The following ERBB4 variants were observed in gnomAD, a reference collection of about 807,000 sequenced individuals.
The protein encoded by ERBB4 is receptor tyrosine-protein kinase erbB-4.
In ERBB4, 42 loss-of-function variants were observed where a neutral mutation model predicts 158.0. The observed-to-expected ratio is 0.27, with a 90% CI of 0.21 to 0.34. ERBB4 has a LOEUF of 0.34. Among genes scored for constraint, ERBB4 ranks in the 10% least tolerant of loss-of-function variants. The pLI, the probability that ERBB4 is intolerant of heterozygous loss-of-function variation, is 1.00. For synonymous variants in ERBB4, 583 were observed against 558.7 expected, an observed-to-expected ratio of 1.04 and a Z score of -0.61; for missense variants, 1,333 against 1,624.1, an observed-to-expected ratio of 0.82 and a Z score of 3.08.
rs150190330 is a variant in ERBB4, at chr2:211,846,083, T to C, written c.422-57924A>G. Among the ~76,000 whole-genome samples the C allele has an allele frequency of 7.6e-3, 1,156 of 151,370 alleles. 12 individuals are homozygous for C. The highest frequency in any genetic ancestry group is 0.027 in the African/African-American group (1,098 of 41,374). ...TTTTTTCATTTATAGTGAATATCAT[T>C]CATGTTGTCCACTCTAGGAAAAAAA... On this transcript the variant is annotated intron_variant, in intron 3 of 27. Coordinates refer to ENST00000342788, the MANE Select transcript of ERBB4 (RefSeq NM_005235.3).
Position 212,119,527 on chromosome 2 carries a change from A to G in ERBB4, c.234+5225T>C, listed in dbSNP as rs563573788. Among the ~76,000 whole-genome samples, 16 of 152,254 alleles carry G rather than the reference A, an allele frequency of 1.1e-4. 1 individual carries two copies. In the South Asian group the frequency reaches 3.3e-3, roughly 32 times the overall value. On this transcript the variant is annotated intron_variant, in intron 2 of 27. Coordinates refer to ENST00000342788, the MANE Select transcript of ERBB4 (RefSeq NM_005235.3). ...CTTACTACATTTTGCCTTGTTTTAA[A>G]GAGTTCACAAAGTGTAAGACAATAG... is the stretch of plus-strand genomic sequence containing the variant.
intron 1 of ERBB4, among the ~76,000 whole-genome samples, chr2:212,420,535 T>G (rs2091768772): frequency 6.6e-6 from 1 of 152,144 alleles, no homozygotes; most frequent in African/African-American, 2.4e-5. Flanking sequence ...CTGCCCAAGT[T>G]TTCCAAATCA....
At chr2:212,331,075 C>CATATATATATATATATATACACGTATAT (rs1553619158) in intron 1 of ERBB4, among the ~76,000 whole-genome samples, 1 of 21,300 alleles carries the variant, frequency 4.7e-5, no homozygotes, top group Admixed American at 6.4e-4. Context: ...TATATATACA[C>CATATATATATATATATATACACGTATAT]ATATATATAT....
chr2:212,001,659 T>C (rs992762878), intron 2 of ERBB4, among the ~76,000 whole-genome samples: 4 of 152,182 alleles, frequency 2.6e-5, no homozygotes, highest in Non-Finnish European at 5.9e-5. Context: ...AAGTCTTTTG[T>C]TTATTCTGCT....
intron 2 of ERBB4, among the ~76,000 whole-genome samples, chr2:211,996,308 A>T (rs2082198823): frequency 6.6e-6 from 1 of 151,812 alleles, no homozygotes; most frequent in Non-Finnish European, 1.5e-5. Flanking sequence ...AAGTTTAAAC[A>T]TTATCCTTGT....
intron 1 of ERBB4, among the ~76,000 whole-genome samples, chr2:212,247,783 GT>G (rs1308091417): frequency 6.6e-6 from 1 of 152,118 alleles, no homozygotes; most frequent in East Asian, 1.9e-4. Flanking sequence ...GGGCAACATG[GT>G]GAAACCCCAT....
At chr2:212,476,890 C>T (rs985995) in intron 1 of ERBB4, among the ~76,000 whole-genome samples, 48,792 of 151,884 alleles carry the variant, frequency 0.32, 10,606 homozygotes, top group African/African-American at 0.63. Flanking sequence ...CAATACCACT[C>T]TAGCAGTCTA....
intron 1 of ERBB4, among the ~76,000 whole-genome samples, chr2:212,404,505 G>A (rs1214411253): frequency 1.3e-5 from 2 of 151,954 alleles, no homozygotes; most frequent in Non-Finnish European, 2.9e-5. Context: ...TTATGACACT[G>A]GTAGTAGTAA....
At chr2:211,401,634 C>T (rs1174988765) in intron 25 of ERBB4, among the ~76,000 whole-genome samples, 1 of 151,972 alleles carries the variant, frequency 6.6e-6, no homozygotes, top group African/African-American at 2.4e-5. Context: ...GACATCATTC[C>T]TATATATCAC....
chr2:212,012,320 A>G (rs1201003299), intron 2 of ERBB4, among the ~76,000 whole-genome samples: 2 of 151,750 alleles, frequency 1.3e-5, no homozygotes, highest in Non-Finnish European at 2.9e-5. Flanking sequence ...ACGAAATTAT[A>G]TTTAGGTAGT....
chr2:211,953,219 G>T (rs747966338), intron 2 of ERBB4, among the ~76,000 whole-genome samples: 2 of 151,878 alleles, frequency 1.3e-5, no homozygotes, highest in African/African-American at 2.4e-5. Flanking sequence ...AAGGACCACA[G>T]TAGTAAACAG....
chr2:211,407,979 C>G (rs986130728), intron 25 of ERBB4, among the ~76,000 whole-genome samples: 1 of 152,134 alleles, frequency 6.6e-6, no homozygotes, highest in African/African-American at 2.4e-5. Flanking sequence ...TGCCATCAGT[C>G]CTTATTGAGA....
intron 3 of ERBB4, among the ~76,000 whole-genome samples, chr2:211,945,955 A>G (rs2080677051): frequency 6.6e-6 from 1 of 152,072 alleles, no homozygotes; most frequent in Non-Finnish European, 1.5e-5. Context: ...TGCAGGTTTT[A>G]ACTGGATCAT....
intron 22 of ERBB4, among the ~76,000 whole-genome samples, chr2:211,424,686 GC>G (rs1409445545): frequency 1.3e-5 from 2 of 152,032 alleles, no homozygotes; most frequent in East Asian, 3.9e-4. Flanking sequence ...CAATAAATAT[GC>G]TTTTGCCAGT....
intron 2 of ERBB4, among the ~76,000 whole-genome samples, chr2:212,075,803 C>G (rs2078256965): frequency 6.6e-6 from 1 of 151,732 alleles, no homozygotes; most frequent in African/African-American, 2.4e-5. Context: ...ATTTTACAGC[C>G]AACATTACAT....
At chr2:211,400,337 C>T (rs1028327658) in intron 25 of ERBB4, among the ~76,000 whole-genome samples, 7 of 152,010 alleles carry the variant, frequency 4.6e-5, no homozygotes, top group Admixed American at 4.6e-4. Flanking sequence ...GAAAATACAG[C>T]TGAATACTGA....
chr2:212,338,437 A>G (rs1297160040), intron 1 of ERBB4, among the ~76,000 whole-genome samples: 1 of 152,152 alleles, frequency 6.6e-6, no homozygotes, highest in East Asian at 1.9e-4. Context: ...TTAATTATCC[A>G]TATTTGAAAG....
intron 1 of ERBB4, among the ~76,000 whole-genome samples, chr2:212,404,857 G>A (rs1043889409): frequency 6.6e-6 from 1 of 151,900 alleles, no homozygotes; most frequent in Non-Finnish European, 1.5e-5. Context: ...TTGTGCTCAC[G>A]AGTTCTCATC....
At chr2:212,009,157 A>G (rs183781548) in intron 2 of ERBB4, among the ~76,000 whole-genome samples, 2 of 151,990 alleles carry the variant, frequency 1.3e-5, no homozygotes, top group African/African-American at 2.4e-5. Flanking sequence ...GTGTCCCCCA[A>G]CCCCCCAAAA....
Sources: allele counts gnomAD v4.1 joint callset (sites outside exome capture counted in the v4.1 genomes callset), GRCh38; gene constraint gnomAD v4.1.1; transcripts MANE v1.5; gene names NCBI Gene and HGNC (gene_info 2026-07-23, HGNC 2026-07-21).